GALNT11: variants seen among roughly 807,000 people sequenced by gnomAD.
The protein encoded by GALNT11 is polypeptide N-acetylgalactosaminyltransferase 11.
In GALNT11, 47 loss-of-function variants were observed where a neutral mutation model predicts 72.7. The ratio of observed to expected loss-of-function variants is 0.65; its 90% CI spans 0.51 to 0.82. GALNT11 has a LOEUF of 0.82. GALNT11 is among the 40% of genes least tolerant of loss of function. GALNT11 has a pLI of 0.00. For missense variants in GALNT11, 677 were observed against 778.4 expected (o/e 0.87, Z 1.55); for synonymous variants, 270 against 286.6 (o/e 0.94, Z 0.58).
chr7:152,056,620 TGAA>T (rs1277466428), intron 1 of GALNT11, among the ~76,000 whole-genome samples: 1 of 152,118 alleles, frequency 6.6e-6, no homozygotes, highest in Non-Finnish European at 1.5e-5. Context: ...TATTAAATAA[TGAA>T]GAAGCAGAAG....
chr7:152,030,732 TTGTCTC>T (rs990514774), intron 1 of GALNT11, among the ~76,000 whole-genome samples: 3 of 152,172 alleles, frequency 2.0e-5, no homozygotes, highest in African/African-American at 7.2e-5. Flanking sequence ...GACTCTCTCT[TTGTCTC>T]TGTCTCTTTG....
At chr7:152,099,548 T>G (rs1343698027) in intron 2 of GALNT11, among the ~76,000 whole-genome samples, 15 of 134,214 alleles carry the variant, frequency 1.1e-4, no homozygotes, top group African/African-American at 3.5e-4. Flanking sequence ...TTTTTTTTTT[T>G]TTTTTTTTTT....
chr7:152,108,553 C>A (rs908609867), intron 6 of GALNT11, among the ~76,000 whole-genome samples: 2 of 152,170 alleles, frequency 1.3e-5, no homozygotes, highest in African/African-American at 4.8e-5. Context: ...CAGAGGAAGC[C>A]CTGGGAGGGC....
chr7:152,109,121 T>C (rs1234508512), intron 6 of GALNT11, among the ~76,000 whole-genome samples: 1 of 152,280 alleles, frequency 6.6e-6, no homozygotes, highest in Non-Finnish European at 1.5e-5. Flanking sequence ...ATCTCCGCTT[T>C]ATGTTACCCT....
chr7:152,047,181 A>G (rs2083170142), intron 1 of GALNT11, among the ~76,000 whole-genome samples: 1 of 152,050 alleles, frequency 6.6e-6, no homozygotes, highest in Non-Finnish European at 1.5e-5. Flanking sequence ...GTTCAAGACC[A>G]GCCTAGGGGC....
At chr7:152,043,083 A>G (rs2152011859) in intron 1 of GALNT11, among the ~76,000 whole-genome samples, 1 of 152,254 alleles carries the variant, frequency 6.6e-6, no homozygotes, top group South Asian at 2.1e-4. Flanking sequence ...CTGTTCATTT[A>G]ATTTCACTTT....
chr7:152,103,406 G>A (rs2087175561), intron 4 of GALNT11, 128 bp downstream of exon 4: 1 of 867,696 alleles, frequency 1.2e-6, no homozygotes, highest in African/African-American at 1.6e-5. Context: ...TCACAGCTGG[G>A]CTGACCACAA....
chr7:152,105,323 G>A lies in GALNT11; in HGVS notation c.665G>A (p.Arg222His), dbSNP rs201883939. 12 of 1,614,034 alleles carry A rather than the reference G, an allele frequency of 7.4e-6. No homozygotes were observed. Among genetic ancestry groups the A allele is most frequent in the East Asian group, 2.2e-5 (1 of 44,886 alleles). Residue 222 changes from arginine to histidine, a missense_variant, in exon 5 of 12, where the codon CGT (arginine) becomes CAT (histidine). Physicochemically the swap from Arg to His is conservative, Grantham distance 29. Coordinates refer to ENST00000430044, the MANE Select transcript of GALNT11 (RefSeq NM_022087.4). ...ATTAAAGTCATAAGAAATACAAAGC[G>A]TGAGGGGTTGATTCGAGGGAGAATG... ...GKIKVIRNTK[R>H]EGLIRGRMIG... is the part of the protein sequence containing the mutation.
intron 1 of GALNT11, among the ~76,000 whole-genome samples, chr7:152,064,380 G>T (rs538438512): frequency 3.9e-5 from 6 of 152,226 alleles, no homozygotes; most frequent in African/African-American, 1.4e-4. Context: ...CCTGAATATA[G>T]CACACTGATG....
chr7:152,065,898 T>G (rs192142477), intron 1 of GALNT11, among the ~76,000 whole-genome samples: 1 of 152,332 alleles, frequency 6.6e-6, no homozygotes, highest in Non-Finnish European at 1.5e-5. Context: ...AGGGACTCAC[T>G]TGAGGAGGCA....
At chr7:152,053,576 A>C (rs2083500671) in intron 1 of GALNT11, among the ~76,000 whole-genome samples, 1 of 152,216 alleles carries the variant, frequency 6.6e-6, no homozygotes, top group Non-Finnish European at 1.5e-5. Flanking sequence ...TTGCTTCAGG[A>C]TATGCTAAAG....
Position 152,035,526 on chromosome 7 carries a change from C to T in GALNT11, c.-39+9642C>T, listed in dbSNP as rs147978288. Among the ~76,000 whole-genome samples the T allele has an allele frequency of 3.4e-3, 520 of 152,268 alleles. 4 individuals carry two copies. The Middle Eastern group carries it at 0.044, about 13-fold the overall frequency. On this transcript the variant is annotated intron_variant, in intron 1 of 11. Coordinates refer to ENST00000430044, the MANE Select transcript of GALNT11 (RefSeq NM_022087.4). ...GTCAACCAACTTGTTGTCAGGACCCCGGAGCTGAATGGCTTTCCTCTCTGT... is the reference window on the plus strand; with the variant it reads ...GTCAACCAACTTGTTGTCAGGACCCTGGAGCTGAATGGCTTTCCTCTCTGT...
At chr7:152,088,162 C>A (rs1340638940) in intron 1 of GALNT11, among the ~76,000 whole-genome samples, 1 of 152,128 alleles carries the variant, frequency 6.6e-6, no homozygotes, top group Non-Finnish European at 1.5e-5. Context: ...CTACCACCCT[C>A]CATTATTATA....
intron 1 of GALNT11, among the ~76,000 whole-genome samples, chr7:152,058,065 A>G (rs1291234730): frequency 6.6e-6 from 1 of 152,194 alleles, no homozygotes; most frequent in African/African-American, 2.4e-5. Context: ...GGACTATCAC[A>G]AAGTGAATCA....
chr7:152,110,700 A>C, intron 7 of GALNT11, 55 bp downstream of exon 7: 1 of 1,208,966 alleles, frequency 8.3e-7, no homozygotes, highest in Non-Finnish European at 1.2e-6. Context: ...TATGATTTTC[A>C]TCCATGATCT....
At position 152,103,235 on chromosome 7, in the gene GALNT11, C is replaced by G; in HGVS notation, c.543C>G (p.His181Gln). 1.2e-6 allele frequency: 2 copies of G among 1,613,732 alleles called. No individual in the cohort carries two copies. Among genetic ancestry groups the G allele is most frequent in the Non-Finnish European group, 1.7e-6 (2 of 1,179,704 alleles). ...GTGTCATAGACCGCACGCCAGCACACCTGCTTCATGAGATCATCCTTGTGG... is the reference window on the plus strand; with the variant it reads ...GTGTCATAGACCGCACGCCAGCACAGCTGCTTCATGAGATCATCCTTGTGG... ...VHSVIDRTPAHLLHEIILVDD... is the reference protein window; with the variant it reads ...VHSVIDRTPAQLLHEIILVDD... Residue 181 changes from histidine to glutamine, a missense_variant, in exon 4 of 12, where the codon CAC (histidine) becomes CAG (glutamine). By Grantham distance (24) the His-to-Gln change is conservative. Coordinates refer to ENST00000430044, the MANE Select transcript of GALNT11 (RefSeq NM_022087.4).
chr7:152,060,196 C>T (rs970541888), intron 1 of GALNT11, among the ~76,000 whole-genome samples: 1 of 152,204 alleles, frequency 6.6e-6, no homozygotes, highest in African/African-American at 2.4e-5. Context: ...TTTTCTCAGT[C>T]TGCATAGAAT....
Position 152,076,150 on chromosome 7 carries a change from T to C in GALNT11, c.-38-18040T>C, listed in dbSNP as rs139389618. On this transcript the variant is annotated intron_variant, in intron 1 of 11. Transcript: ENST00000430044. ...TTCTGTTCCTGCAAGTATGAAGATA[T>C]GTTACTGCTTTTCAGAAAAAGCAGT... 7.6e-4 allele frequency among the ~76,000 whole-genome samples: 115 copies of C among 151,550 alleles called. 1 individual carries two copies. The East Asian group carries it at 0.021, about 27-fold the overall frequency.
intron 1 of GALNT11, among the ~76,000 whole-genome samples, chr7:152,050,097 C>T (rs778334681): frequency 5.9e-5 from 9 of 152,072 alleles, no homozygotes; most frequent in Non-Finnish European, 1.2e-4. Context: ...GCTTGGTGCT[C>T]TACCCCACTG....
Sources: gnomAD v4.1 joint callset for allele counts (sites outside exome capture counted in the v4.1 genomes callset) on GRCh38, gnomAD v4.1.1 for gene constraint, MANE v1.5 for transcripts, NCBI Gene and HGNC (gene_info 2026-07-23, HGNC 2026-07-21) for gene names.